Variants in TMEM33 observed in about 807,000 individuals in gnomAD.
TMEM33 encodes transmembrane protein 33.
In TMEM33, 16 loss-of-function variants were observed where a neutral mutation model predicts 29.7. That is an observed-to-expected ratio of 0.54 (90% confidence interval 0.36 to 0.82). The LOEUF (loss-of-function observed/expected upper bound fraction) is 0.82, where lower values mean the gene tolerates loss of function less well. Ranked by LOEUF, TMEM33 falls within the 40% of genes least tolerant of loss-of-function variation. The probability of loss-of-function intolerance (pLI) is 0.00; values close to 1 mark genes in which losing one functional copy is unlikely to be tolerated. For synonymous variants in TMEM33, 112 were observed against 109.4 expected (o/e 1.02, Z -0.15); for missense variants, 252 against 295.3 (o/e 0.85, Z 1.08).
Position 41,949,350 on chromosome 4 carries a change from C to T in TMEM33, c.579C>T (p.Thr193=). 6.2e-7 allele frequency: 1 copy of T among 1,609,872 alleles called. No homozygotes were observed. The highest frequency in any genetic ancestry group is 8.5e-7 in the Non-Finnish European group (1 of 1,178,358). The change falls in exon 6 of 7, where the codon ACC becomes ACT. Residue 193 remains threonine (T), a synonymous_variant. Coordinates refer to ENST00000504986, the MANE Select transcript of TMEM33 (RefSeq NM_018126.3). ...LQPFIYYRFL[T]LRYSSRRNPY... ...CTTTTATATACTATAGATTTCTTAC[C>T]CTTCGATATTCGTCTCGAAGAAACC...
chr4:41,959,085 G>A lies in TMEM33; in HGVS notation c.*4886G>A, dbSNP rs1437044339. On this transcript the variant is annotated 3_prime_UTR_variant, in exon 7 of 7. Transcript: ENST00000504986. ...TAGGAGAATTCCACAGAGCCTATAT[G>A]ATATTATAGCTCAACATTTAGTATA... The A allele has an allele frequency of 1.3e-5, 2 of 152,108 alleles. No individual in the cohort carries two copies. Among genetic ancestry groups the A allele is most frequent in the Non-Finnish European group, 2.9e-5 (2 of 68,022 alleles). 9.4% of individuals were successfully genotyped at this position (152,108 alleles called of 1,614,324 possible). A position where few individuals can be genotyped will look rare whatever the true frequency, so the allele number is the denominator to read the frequency against.
At chr4:41,953,252 A>G (rs1390574803) in intron 6 of TMEM33, among the ~76,000 whole-genome samples, 1 of 152,186 alleles carries the variant, frequency 6.6e-6, no homozygotes, top group Non-Finnish European at 1.5e-5. Context: ...CATTAGAGGC[A>G]TACTTCAGAA....
chr4:41,936,226 C>A lies in TMEM33; in HGVS notation c.45+697C>A, dbSNP rs146992942. On this transcript the variant is annotated intron_variant, in intron 1 of 6. Transcript: ENST00000504986. ...TTGTCCTTTAAAGCTGCTTTCTCTT[C>A]ATCTGGGATTCTGTCAAAAAGCATG... Among the ~76,000 whole-genome samples, 127 of 152,332 alleles carry A rather than the reference C, an allele frequency of 8.3e-4. 1 individual carries two copies. Among genetic ancestry groups the A allele is most frequent in the African/African-American group, 2.6e-3 (108 of 41,568 alleles).
At chr4:41,938,474 C>A in intron 1 of TMEM33, 128 bp from the exon 2 acceptor site, 1 of 824,520 alleles carries the variant, frequency 1.2e-6, no homozygotes, top group South Asian at 1.6e-5. Flanking sequence ...GAGTTTTCAC[C>A]TAATGATCTA....
rs1713409407 is a variant in TMEM33, at chr4:41,959,926, CTT to C, written c.*5728_*5729del. ...ATGTCAGCATTTCTTAGTAACTTCT[CTT>C]GAATCCATTTTTAATATCTAATATT... On this transcript the variant is annotated 3_prime_UTR_variant, in exon 7 of 7. Coordinates refer to ENST00000504986, the MANE Select transcript of TMEM33 (RefSeq NM_018126.3). 2 of 152,122 alleles carry C rather than the reference CTT, an allele frequency of 1.3e-5. No homozygotes were observed. The highest frequency in any genetic ancestry group is 6.5e-5 in the Admixed American group (1 of 15,276). The allele number at this position is 152,122 out of a possible 1,614,324, so 9.4% of individuals were successfully genotyped here. A position where few individuals can be genotyped will look rare whatever the true frequency, so the allele number is the denominator to read the frequency against.
intron 5 of TMEM33, among the ~76,000 whole-genome samples, chr4:41,945,601 T>C (rs74900315): frequency 1.8e-4 from 27 of 152,350 alleles, no homozygotes; most frequent in African/African-American, 4.3e-4. Flanking sequence ...AAAATACTTA[T>C]ACAAATTTGT....
intron 6 of TMEM33, among the ~76,000 whole-genome samples, chr4:41,950,737 T>C (rs909728693): frequency 4.6e-5 from 7 of 152,212 alleles, no homozygotes; most frequent in African/African-American, 1.7e-4. Context: ...CTATATTCAT[T>C]TCAGACATTA....
At chr4:41,953,336 T>C (rs1206045670) in intron 6 of TMEM33, among the ~76,000 whole-genome samples, 3 of 152,232 alleles carry the variant, frequency 2.0e-5, no homozygotes, top group Non-Finnish European at 4.4e-5. Flanking sequence ...TTTTTGGTTT[T>C]CCAGTGCATA....
intron 4 of TMEM33, 140 bp downstream of exon 4, chr4:41,943,954 G>A: frequency 1.4e-6 from 1 of 704,088 alleles, no homozygotes. Flanking sequence ...TGATTTGAAA[G>A]TTTTAAGTTT....
intron 3 of TMEM33, among the ~76,000 whole-genome samples, chr4:41,943,525 CA>C (rs367574971): frequency 1.2e-3 from 163 of 137,168 alleles, no homozygotes; most frequent in Admixed American, 1.2e-3. Flanking sequence ...GACTTTGTCT[CA>C]AAAAAAAAAA....
intron 1 of TMEM33, among the ~76,000 whole-genome samples, chr4:41,936,003 A>G (rs559111613): frequency 1.3e-5 from 2 of 152,290 alleles, no homozygotes; most frequent in East Asian, 1.9e-4. Flanking sequence ...TTTGTTCTTT[A>G]TGAAGAGAAA....
At chr4:41,937,742 A>C (rs963306290) in intron 1 of TMEM33, among the ~76,000 whole-genome samples, 6 of 152,230 alleles carry the variant, frequency 3.9e-5, no homozygotes, top group African/African-American at 1.4e-4. Flanking sequence ...TGTAAAAGCC[A>C]CTTTTGAATA....
In TMEM33 at chr4:41,944,850, A is replaced by C; in HGVS notation, c.454A>C (p.Asn152His). ...ATCTGTCTTGGACAAATTAAGTGCTAATCAACAAAATATTCTGAAATTCAT... is the reference window on the plus strand; with the variant it reads ...ATCTGTCTTGGACAAATTAAGTGCTCATCAACAAAATATTCTGAAATTCAT... The part of the protein sequence containing the change: ...LRSVLDKLSA[N>H]QQNILKFIAC... Residue 152 changes from asparagine to histidine, a missense_variant, in exon 5 of 7, where the codon AAT becomes CAT. Coordinates refer to ENST00000504986, the MANE Select transcript of TMEM33 (RefSeq NM_018126.3). 1 of 1,613,580 alleles carries C rather than the reference A, an allele frequency of 6.2e-7. No individual in the cohort carries two copies. The highest frequency in any genetic ancestry group is 1.1e-5 in the South Asian group (1 of 91,054).
chr4:41,949,784 T>G (rs936079798), intron 6 of TMEM33, among the ~76,000 whole-genome samples: 1 of 152,022 alleles, frequency 6.6e-6, no homozygotes, highest in Non-Finnish European at 1.5e-5. Flanking sequence ...AGTACTGCAG[T>G]CCACAGAAGG....
chr4:41,959,364 T>G lies in TMEM33; in HGVS notation c.*5165T>G, dbSNP rs1165524882. Reference sequence around the variant, plus strand: ...ACTCTATATAGTCTTTCTCCTCTTGTGCGTGTAGGAAATCTGACCTGCAGT... The same window carrying G: ...ACTCTATATAGTCTTTCTCCTCTTGGGCGTGTAGGAAATCTGACCTGCAGT... On this transcript the variant is annotated 3_prime_UTR_variant, in exon 7 of 7. Coordinates refer to ENST00000504986, the MANE Select transcript of TMEM33 (RefSeq NM_018126.3). The G allele has an allele frequency of 6.6e-6, 1 of 152,214 alleles. No individual in the cohort carries two copies. The highest frequency in any genetic ancestry group is 1.9e-4 in the East Asian group (1 of 5,202). The allele number at this position is 152,214 out of a possible 1,614,324, so 9.4% of individuals were successfully genotyped here. A position where few individuals can be genotyped will look rare whatever the true frequency, so the allele number is the denominator to read the frequency against.
chr4:41,956,408 T>C lies in TMEM33; in HGVS notation c.*2209T>C, dbSNP rs1713279839. ...AGATATTAGCCCAGAACAATACTAC[T>C]AACTGAAGTATAAAACTTATTTGAA... On this transcript the variant is annotated 3_prime_UTR_variant, in exon 7 of 7. Transcript: ENST00000504986. The C allele has an allele frequency of 6.6e-6, 1 of 152,220 alleles. No homozygotes were observed. Among genetic ancestry groups the C allele is most frequent in the African/African-American group, 2.4e-5 (1 of 41,458 alleles). 9.4% of individuals were successfully genotyped at this position (152,220 alleles called of 1,614,324 possible).
At position 41,939,215 on chromosome 4, in the gene TMEM33, T is replaced by G; in HGVS notation, c.160T>G (p.Phe54Val). Residue 54 changes from phenylalanine (F) to valine (V), a missense_variant, in exon 3 of 7, where the codon TTT becomes GTT. Phe to Val is a conservative substitution (Grantham distance 50). Coordinates refer to ENST00000504986, the MANE Select transcript of TMEM33 (RefSeq NM_018126.3). ...PLLGLHEAAS[F>V]YQRALLANAL... Reference sequence around the variant, plus strand: ...TTGCAGGTTGCATGAAGCAGCAAGCTTTTACCAACGTGCTTTGCTGGCAAA... The same window carrying G: ...TTGCAGGTTGCATGAAGCAGCAAGCGTTTACCAACGTGCTTTGCTGGCAAA... 2.5e-6 allele frequency: 4 copies of G among 1,601,486 alleles called. No homozygotes were observed. Among genetic ancestry groups the G allele is most frequent in the Non-Finnish European group, 3.4e-6 (4 of 1,176,360 alleles).
In TMEM33 at chr4:41,960,195, C is replaced by CT. The variant is rs1249556738; in HGVS notation, c.*5999dup. ...CTAAGGAAAAAGGACCTCATTCACT[C>CT]TTTCTTTTATGCAGTGATTTACTGG... On this transcript the variant is annotated 3_prime_UTR_variant, in exon 7 of 7. Coordinates refer to ENST00000504986, the MANE Select transcript of TMEM33 (RefSeq NM_018126.3). 3 of 152,150 alleles carry CT rather than the reference C, an allele frequency of 2.0e-5. No individual in the cohort carries two copies. The highest frequency in any genetic ancestry group is 2.9e-5 in the Non-Finnish European group (2 of 67,984). 9.4% of individuals were successfully genotyped at this position (152,150 alleles called of 1,614,324 possible). A position where few individuals can be genotyped will look rare whatever the true frequency, so the allele number is the denominator to read the frequency against.
chr4:41,947,154 T>C (rs1712832189), intron 5 of TMEM33, among the ~76,000 whole-genome samples: 1 of 151,704 alleles, frequency 6.6e-6, no homozygotes, highest in African/African-American at 2.4e-5. Context: ...GAGAATCGCT[T>C]GAACCCTGGA....
Sources: gnomAD v4.1 joint callset for allele counts (sites outside exome capture counted in the v4.1 genomes callset) on GRCh38, gnomAD v4.1.1 for gene constraint, MANE v1.5 for transcripts, NCBI Gene and HGNC (gene_info 2026-07-23, HGNC 2026-07-21) for gene names.